SRP72: variants seen among roughly 807,000 people sequenced by gnomAD.
SRP72 encodes the protein signal recognition particle subunit SRP72.
A neutral mutation model predicts 96.3 loss-of-function variants in SRP72; 49 were observed. The ratio of observed to expected loss-of-function variants is 0.51; its 90% confidence interval spans 0.40 to 0.65. SRP72 has a LOEUF of 0.65. Ranked by LOEUF, SRP72 falls within the 30% of genes least tolerant of loss-of-function variation. The pLI, the probability that SRP72 is intolerant of heterozygous loss-of-function variation, is 0.00. For missense variants in SRP72, 736 were observed against 793.3 expected (o/e 0.93, Z 0.87); for synonymous variants, 267 against 275.2 (o/e 0.97, Z 0.30).
chr4:56,480,688 C>T (rs17086838), intron 8 of SRP72, among the ~76,000 whole-genome samples: 12,697 of 152,136 alleles, frequency 0.083, 686 homozygotes, highest in East Asian at 0.27. Context: ...CTGACTTTTT[C>T]AAAATAGTAC....
At position 56,500,519 on chromosome 4, in the gene SRP72, TTATA is replaced by T. The variant is rs1351098749; in HGVS notation, c.1679-16_1679-13del. On this transcript the variant is annotated splice_polypyrimidine_tract_variant and intron_variant, in intron 17 of 18. Transcript: ENST00000642900. ...ATATTATGACACATCTCTCATTTCT[TTATA>T]ATCGTTATGCAGGAAAATTGCCTAA... 1.2e-6 allele frequency: 2 copies of T among 1,609,924 alleles called. No individual in the cohort carries two copies. The highest frequency in any genetic ancestry group is 3.4e-5 in the Admixed American group (2 of 59,390).
Position 56,484,725 on chromosome 4 carries a change from A to G in SRP72, c.958-11A>G, listed in dbSNP as rs374786388. On this transcript the variant is annotated splice_polypyrimidine_tract_variant and intron_variant, in intron 9 of 18. Transcript: ENST00000642900. ...AGTTTATTTTTCTTGTGGGGGTTGG[A>G]TATCTTCTAGGCTGAACAATGCCGC... The G allele has an allele frequency of 8.1e-6, 13 of 1,612,962 alleles. No individual in the cohort carries two copies. Among genetic ancestry groups the G allele is most frequent in the East Asian group, 4.5e-5 (2 of 44,868 alleles).
intron 5 of SRP72, chr4:56,475,561 C>CAAAAAAA (rs1180420128): frequency 1.9e-5 from 2 of 103,304 alleles, no homozygotes; most frequent in African/African-American, 6.8e-5. Context: ...GACGCTGTCT[C>CAAAAAAA]AAAAAAAAAA....
chr4:56,475,132 A>C (rs1035746888), intron 5 of SRP72, among the ~76,000 whole-genome samples: 1 of 152,238 alleles, frequency 6.6e-6, no homozygotes, highest in South Asian at 2.1e-4. Context: ...GTGGAAAAAA[A>C]GGTGAAACAA....
Position 56,467,723 on chromosome 4 carries a change from G to A in SRP72, c.88G>A (p.Ala30Thr). ...TGGCCAGAACGGCGACTTCACGCGC[G>A]CTCTCAAGACCGTCAATAAGAGTAA... The part of the protein sequence containing the change: ...RYGQNGDFTR[A>T]LKTVNKILQI... The change falls in exon 1 of 19, where the codon GCT (alanine) becomes ACT (threonine). Residue 30 changes from alanine (A) to threonine (T), a missense_variant. Coordinates refer to ENST00000642900, the MANE Select transcript of SRP72 (RefSeq NM_006947.4). 6.4e-7 allele frequency: 1 copy of A among 1,551,570 alleles called. No homozygotes were observed. The highest frequency in any genetic ancestry group is 8.7e-7 in the Non-Finnish European group (1 of 1,152,464).
At chr4:56,474,472 C>G (rs1158030937) in intron 5 of SRP72, 81 bp downstream of exon 5, 1 of 1,185,536 alleles carries the variant, frequency 8.4e-7, no homozygotes, top group Admixed American at 2.5e-5. Flanking sequence ...CATTTGACTT[C>G]TGTGAAATTA....
chr4:56,485,005 A>G, intron 10 of SRP72, 141 bp downstream of exon 10: 1 of 1,054,362 alleles, frequency 9.5e-7, no homozygotes, highest in South Asian at 2.0e-5. Context: ...TTGTCATTTT[A>G]GTTAACTCTT....
At chr4:56,489,243 T>C (rs1477441747) in intron 12 of SRP72, 145 bp from the exon 13 acceptor site, 1 of 431,328 alleles carries the variant, frequency 2.3e-6, no homozygotes, top group Non-Finnish European at 4.2e-6. Flanking sequence ...AAGTTAACTA[T>C]GTTCTCTAAA....
At chr4:56,482,044 G>A (rs1720513356) in intron 8 of SRP72, among the ~76,000 whole-genome samples, 1 of 151,490 alleles carries the variant, frequency 6.6e-6, no homozygotes, top group African/African-American at 2.4e-5. Flanking sequence ...GATTACAGGC[G>A]TGAGCCACTG....
Position 56,487,757 on chromosome 4 carries a change from A to T in SRP72, c.1160-192A>T, listed in dbSNP as rs143864910. Among the ~76,000 whole-genome samples, 339 of 152,228 alleles carry T rather than the reference A, an allele frequency of 2.2e-3. 3 individuals are homozygous for T. Among genetic ancestry groups the T allele is most frequent in the African/African-American group, 8.0e-3 (331 of 41,554 alleles). ...AGGTATATTATTTCTTTAGAACTCA[A>T]TTTCCTTATCTCTAAATGAACAGAG... is the stretch of plus-strand genomic sequence containing the variant. On this transcript the variant is annotated intron_variant, in intron 11 of 18. Coordinates refer to ENST00000642900, the MANE Select transcript of SRP72 (RefSeq NM_006947.4).
intron 8 of SRP72, among the ~76,000 whole-genome samples, chr4:56,481,629 GT>G (rs1340971299): frequency 2.0e-5 from 3 of 152,048 alleles, no homozygotes; most frequent in Admixed American, 6.5e-5. Flanking sequence ...GTACAGATAT[GT>G]TTCTGAGGTT....
chr4:56,490,004 A>C (rs1204651437), intron 13 of SRP72, among the ~76,000 whole-genome samples: 1 of 152,172 alleles, frequency 6.6e-6, no homozygotes, highest in Admixed American at 6.5e-5. Flanking sequence ...GTGCTCTGGG[A>C]AAGTATTATA....
rs1211027278 is a variant in SRP72, at chr4:56,471,844, G to A, written c.354+1G>A. ...ACTGAAGGAGCTTTATGGACAAGTG[G>A]TAATTACTGCTTTTAAATACATGTT... On this transcript the variant is annotated splice_donor_variant, in intron 3 of 18. Transcript: ENST00000642900. LOFTEE classifies it high-confidence loss of function. 6.2e-7 allele frequency: 1 copy of A among 1,613,718 alleles called. No homozygotes were observed. Among genetic ancestry groups the A allele is most frequent in the African/African-American group, 1.3e-5 (1 of 75,012 alleles).
intron 17 of SRP72, among the ~76,000 whole-genome samples, chr4:56,499,456 G>T (rs909581704): frequency 6.6e-6 from 1 of 152,154 alleles, no homozygotes; most frequent in Non-Finnish European, 1.5e-5. Context: ...TACAGAATGG[G>T]AGAAAATTTT....
At position 56,489,788 on chromosome 4, in the gene SRP72, C is replaced by T. The variant is rs548587664; in HGVS notation, c.1320+305C>T. 6.9e-4 allele frequency among the ~76,000 whole-genome samples: 105 copies of T among 151,912 alleles called. 1 individual carries two copies. Among genetic ancestry groups the T allele is most frequent in the African/African-American group, 2.5e-3 (104 of 41,430 alleles). On this transcript the variant is annotated intron_variant, in intron 13 of 18. Coordinates refer to ENST00000642900, the MANE Select transcript of SRP72 (RefSeq NM_006947.4). ...GTACATGATTGCATATTTAAGAGAT[C>T]GTCTTAAATGGCTAGAGAGCCCATG... is the stretch of plus-strand genomic sequence containing the variant.
At chr4:56,485,400 CAAAA>C (rs59208269) in intron 10 of SRP72, among the ~76,000 whole-genome samples, 16 of 92,426 alleles carry the variant, frequency 1.7e-4, no homozygotes, top group Non-Finnish European at 1.5e-4. Context: ...CTCCCCACAG[CAAAA>C]AAAAAAAAAA....
chr4:56,501,600 G>A (rs1721263683), intron 18 of SRP72, 84 bp from the exon 19 acceptor site: 4 of 1,199,034 alleles, frequency 3.3e-6, no homozygotes, highest in Non-Finnish European at 4.7e-6. Context: ...TGTTAAGTGT[G>A]ATAAGTAAAA....
intron 8 of SRP72, among the ~76,000 whole-genome samples, chr4:56,479,234 C>T (rs1720372790): frequency 6.6e-6 from 1 of 152,110 alleles, no homozygotes; most frequent in African/African-American, 2.4e-5. Flanking sequence ...GACTGGAGTG[C>T]AGTGACACGA....
chr4:56,502,429 G>A lies in SRP72; in HGVS notation c.*568G>A, dbSNP rs1721291096. ...TAAATAATTTAACCATAAATTTTCTGTCATGTGATACTGGAATATGGGATA... is the reference window on the plus strand; with the variant it reads ...TAAATAATTTAACCATAAATTTTCTATCATGTGATACTGGAATATGGGATA... On this transcript the variant is annotated 3_prime_UTR_variant, in exon 19 of 19. Coordinates refer to ENST00000642900, the MANE Select transcript of SRP72 (RefSeq NM_006947.4). 2.1e-5 allele frequency: 3 copies of A among 143,998 alleles called. No individual in the cohort carries two copies. The Admixed American group carries it at 2.1e-4, about 10-fold the overall frequency. The allele number at this position is 143,998 out of a possible 1,614,324, so 8.9% of individuals were successfully genotyped here. A position where few individuals can be genotyped will look rare whatever the true frequency, so the allele number is the denominator to read the frequency against.
Sources: allele counts gnomAD v4.1 joint callset (sites outside exome capture counted in the v4.1 genomes callset), GRCh38; gene constraint gnomAD v4.1.1; transcripts MANE v1.5; gene names NCBI Gene and HGNC (gene_info 2026-07-23, HGNC 2026-07-21).